DENND10: variants seen among roughly 807,000 people sequenced by gnomAD.
The protein encoded by DENND10 is DENN domain containing 10.
In DENND10, 24 loss-of-function variants were observed where a neutral mutation model predicts 43.6. The observed-to-expected ratio is 0.55, with a 90% CI of 0.40 to 0.77. The LOEUF is 0.77. Ranked by LOEUF, DENND10 falls within the 30% of genes least tolerant of loss-of-function variation. DENND10 has a pLI of 0.00. For synonymous variants in DENND10, 125 were observed against 157.6 expected (o/e 0.79, Z 1.55); for missense variants, 303 against 429.9 (o/e 0.70, Z 2.61).
At chr10:119,114,405 A>C (rs1353344947) in intron 3 of DENND10, 1 of 152,216 alleles carries the variant, frequency 6.6e-6, no homozygotes, top group Non-Finnish European at 1.5e-5. Context: ...TGCCTTCCAC[A>C]CACAGCTTGC....
chr10:119,104,275 G>T (rs1390911298), intron 1 of DENND10, 78 bp downstream of exon 1: 2 of 1,370,934 alleles, frequency 1.5e-6, no homozygotes, highest in Non-Finnish European at 1.9e-6. Flanking sequence ...GGCAGCCCGG[G>T]CTCCCGCGGC....
At chr10:119,115,302 A>T (rs1845195521) in intron 3 of DENND10, among the ~76,000 whole-genome samples, 1 of 151,052 alleles carries the variant, frequency 6.6e-6, no homozygotes, top group South Asian at 2.1e-4. Flanking sequence ...CCTGGGTTTG[A>T]ATGTATTTTA....
intron 3 of DENND10, among the ~76,000 whole-genome samples, chr10:119,113,615 T>A (rs1845089148): frequency 6.6e-6 from 1 of 151,860 alleles, no homozygotes; most frequent in Non-Finnish European, 1.5e-5. Flanking sequence ...GAATTGTTTT[T>A]GTTTTATAAG....
At position 119,117,622 on chromosome 10, in the gene DENND10, A is replaced by G. The variant is rs775857929; in HGVS notation, c.436A>G (p.Lys146Glu). The change falls in exon 4 of 9, where the codon AAG becomes GAG. Residue 146 changes from lysine (K) to glutamate (E), a missense_variant. Transcript: ENST00000361432. ...TGAAGAAAACGGCTCTTTCCTTAGT[A>G]AGGATTTTGATGCCCGAAAGGCCTA... ...QSEENGSFLS[K>E]DFDARKAYLA... 1 of 1,614,104 alleles carries G rather than the reference A, an allele frequency of 6.2e-7. No homozygotes were observed. The highest frequency in any genetic ancestry group is 8.5e-7 in the Non-Finnish European group (1 of 1,179,988).
At chr10:119,120,046 G>A (rs934260393) in intron 4 of DENND10, among the ~76,000 whole-genome samples, 2 of 151,976 alleles carry the variant, frequency 1.3e-5, no homozygotes, top group South Asian at 2.1e-4. Flanking sequence ...TCAGGAGTTC[G>A]AGATTAGCCT....
intron 6 of DENND10, 116 bp from the exon 7 acceptor site, chr10:119,129,398 TC>T (rs1490509421): frequency 3.0e-6 from 2 of 675,150 alleles, no homozygotes; most frequent in Non-Finnish European, 5.4e-6. Context: ...CAGCTAATGT[TC>T]CCGAATGAAT....
intron 2 of DENND10, among the ~76,000 whole-genome samples, chr10:119,110,573 C>G (rs1844928533): frequency 6.6e-6 from 1 of 152,146 alleles, no homozygotes; most frequent in South Asian, 2.1e-4. Context: ...TTCCCTGCCT[C>G]AGCCTCCCGA....
intron 6 of DENND10, 55 bp downstream of exon 6, chr10:119,123,624 C>A (rs1324706706): frequency 2.1e-6 from 2 of 962,482 alleles, no homozygotes; most frequent in African/African-American, 4.2e-5. Flanking sequence ...TTTTTTTTTT[C>A]CTGAGACGGA....
chr10:119,118,686 T>C (rs1408183753), intron 4 of DENND10, among the ~76,000 whole-genome samples: 1 of 152,102 alleles, frequency 6.6e-6, no homozygotes, highest in Non-Finnish European at 1.5e-5. Flanking sequence ...TTTTTTTCCT[T>C]TTGAGACAGG....
At position 119,136,645 on chromosome 10, in the gene DENND10, T is replaced by C; in HGVS notation, c.1072T>C (p.Ter358ArgextTer8). ...LAAAEQMLKI[*>R] ...AGCAGCCGAACAAATGCTGAAAATC[T>C]GACTGTGTGACAGAACGTATCACTG... Residue 358 changes from the stop codon to arginine (R), a stop_lost, in exon 9 of 9, where the codon TGA becomes CGA. Coordinates refer to ENST00000361432, the MANE Select transcript of DENND10 (RefSeq NM_207009.4). The C allele has an allele frequency of 1.4e-6, 2 of 1,442,864 alleles. No homozygotes were observed. The highest frequency in any genetic ancestry group is 1.9e-6 in the Non-Finnish European group (2 of 1,065,232). The allele number at this position is 1,442,864 out of a possible 1,614,324, so 89.4% of individuals were successfully genotyped here.
intron 1 of DENND10, chr10:119,104,859 C>T (rs1844612211): frequency 6.6e-6 from 1 of 152,410 alleles, no homozygotes; most frequent in Non-Finnish European, 1.5e-5. Context: ...ACGGACACAC[C>T]ATAGGCCGTA....
intron 5 of DENND10, among the ~76,000 whole-genome samples, chr10:119,120,983 A>G (rs1845547140): frequency 6.6e-6 from 1 of 151,714 alleles, no homozygotes; most frequent in African/African-American, 2.4e-5. Context: ...TTTAAATTTT[A>G]TTTTCATTTT....
chr10:119,117,638 G>A lies in DENND10; in HGVS notation c.452G>A (p.Arg151Gln), dbSNP rs146864091. Reference protein sequence around the residue: ...GSFLSKDFDARKAYLAGSIKD... With the variant: ...GSFLSKDFDAQKAYLAGSIKD... ...TTCCTTAGTAAGGATTTTGATGCCC[G>A]AAAGGCCTACCTGGCTGGCTCCATC... Residue 151 changes from arginine (R) to glutamine (Q), a missense_variant, in exon 4 of 9, where the codon CGA becomes CAA. Physicochemically the swap from Arg to Gln is conservative, Grantham distance 43. Transcript: ENST00000361432. 348 of 1,613,940 alleles carry A rather than the reference G, an allele frequency of 2.2e-4. No homozygotes were observed. The highest frequency in any genetic ancestry group is 4.8e-4 in the African/African-American group (36 of 75,026).
intron 2 of DENND10, 22 bp downstream of exon 2, chr10:119,108,186 A>T (rs1202521437): frequency 6.4e-7 from 1 of 1,569,434 alleles, no homozygotes; most frequent in African/African-American, 1.4e-5. Flanking sequence ...TGAAGGTAAA[A>T]AAAAAACCCC....
At position 119,120,439 on chromosome 10, in the gene DENND10, C is replaced by T; in HGVS notation, c.580C>T (p.Gln194Ter). The T allele has an allele frequency of 6.2e-7, 1 of 1,603,426 alleles. No individual in the cohort carries two copies. Among genetic ancestry groups the T allele is most frequent in the Non-Finnish European group, 8.5e-7 (1 of 1,170,386 alleles). ...GTATCACCCCAAGATAGAAGCGGTC[C>T]AGGAGTTCACCAGGTATCACCTCTA... ...VVYHPKIEAVQEFTRTLPALV... is the reference protein window; with the variant it reads ...VVYHPKIEAV Residue 194 changes from glutamine to a stop codon, truncating the protein, a stop_gained, in exon 5 of 9, where the codon CAG becomes TAG. Coordinates refer to ENST00000361432, the MANE Select transcript of DENND10 (RefSeq NM_207009.4). LOFTEE classifies it high-confidence loss of function.
chr10:119,129,446 C>A, intron 6 of DENND10, 69 bp from the exon 7 acceptor site: 1 of 1,000,400 alleles, frequency 1.0e-6, no homozygotes, highest in Non-Finnish European at 1.6e-6. Context: ...AGCTTTTAGA[C>A]CCAATTCTTT....
chr10:119,109,737 G>C (rs973244942), intron 2 of DENND10, among the ~76,000 whole-genome samples: 6 of 151,486 alleles, frequency 4.0e-5, no homozygotes, highest in Admixed American at 1.3e-4. Flanking sequence ...TCCTGCCTCA[G>C]CGTCCTGAGT....
chr10:119,107,379 G>A (rs1386370307), intron 1 of DENND10, among the ~76,000 whole-genome samples: 3 of 151,128 alleles, frequency 2.0e-5, no homozygotes, highest in African/African-American at 4.8e-5. Flanking sequence ...GGAGGAGATA[G>A]GGAGAAACTC....
At chr10:119,121,674 C>T (rs1308607910) in intron 5 of DENND10, among the ~76,000 whole-genome samples, 4 of 151,318 alleles carry the variant, frequency 2.6e-5, no homozygotes, top group Admixed American at 6.6e-5. Context: ...AAGATGGTCT[C>T]GATCTCTTGA....
Sources: gnomAD v4.1 joint callset for allele counts (sites outside exome capture counted in the v4.1 genomes callset) on GRCh38, gnomAD v4.1.1 for gene constraint, MANE v1.5 for transcripts, NCBI Gene and HGNC (gene_info 2026-07-23, HGNC 2026-07-21) for gene names.